The following ANGPT1 variants were observed in gnomAD, a reference collection of about 807,000 sequenced individuals.
ANGPT1 encodes the protein angiopoietin 1.
A neutral mutation model predicts 62.2 loss-of-function variants in ANGPT1; 17 were observed. The ratio of observed to expected loss-of-function variants is 0.27; its 90% CI spans 0.19 to 0.41. The LOEUF is 0.41. Ranked by LOEUF, ANGPT1 falls within the 10% of genes least tolerant of loss-of-function variation. The pLI is 1.00. For synonymous variants in ANGPT1, 199 were observed against 198.9 expected, an observed-to-expected ratio of 1.00 and a Z score of 0.00; for missense variants, 478 against 594.9, an observed-to-expected ratio of 0.80 and a Z score of 2.04.
chr8:107,381,061 T>G (rs149599405), intron 1 of ANGPT1, among the ~76,000 whole-genome samples: 4 of 152,202 alleles, frequency 2.6e-5, no homozygotes, highest in African/African-American at 9.6e-5. Flanking sequence ...TGTTACTGAT[T>G]TCTTTAGTGT....
At chr8:107,295,948 T>C (rs1050743815) in intron 5 of ANGPT1, among the ~76,000 whole-genome samples, 3 of 152,108 alleles carry the variant, frequency 2.0e-5, no homozygotes, top group African/African-American at 7.2e-5. Flanking sequence ...ATCTCCATTT[T>C]ACAGATGAAA....
At chr8:107,452,636 A>G (rs1811809220) in intron 1 of ANGPT1, among the ~76,000 whole-genome samples, 1 of 151,980 alleles carries the variant, frequency 6.6e-6, no homozygotes, top group South Asian at 2.1e-4. Flanking sequence ...AATCACAGCC[A>G]GAGAAAATGG....
rs867243216 is a variant in ANGPT1, at chr8:107,433,522, A to G, written c.297+63740T>C. ...ATTGTCCCTGACATGAAAGATGGACAAGCAAATAATACAAATAAAGACACT... is the reference window on the plus strand; with the variant it reads ...ATTGTCCCTGACATGAAAGATGGACGAGCAAATAATACAAATAAAGACACT... On this transcript the variant is annotated intron_variant, in intron 1 of 8. Transcript: ENST00000517746. Among the ~76,000 whole-genome samples the G allele has an allele frequency of 2.0e-5, 3 of 152,222 alleles. 1 individual carries two copies. In the South Asian group the frequency reaches 6.2e-4, roughly 31 times the overall value.
intron 7 of ANGPT1, among the ~76,000 whole-genome samples, chr8:107,271,298 C>A (rs1034284364): frequency 6.6e-6 from 1 of 152,004 alleles, no homozygotes; most frequent in Non-Finnish European, 1.5e-5. Flanking sequence ...TGAGGTGATA[C>A]CCGGAAAGCC....
At chr8:107,423,987 T>C (rs1810970483) in intron 1 of ANGPT1, among the ~76,000 whole-genome samples, 1 of 151,598 alleles carries the variant, frequency 6.6e-6, no homozygotes, top group South Asian at 2.1e-4. Flanking sequence ...ATTACAGGTG[T>C]GCACCACCAC....
chr8:107,399,445 C>T (rs1361746242), intron 1 of ANGPT1, among the ~76,000 whole-genome samples: 1 of 152,140 alleles, frequency 6.6e-6, no homozygotes, highest in Non-Finnish European at 1.5e-5. Flanking sequence ...ATTTTCTGCT[C>T]TGGACATTAA....
At chr8:107,397,085 T>A (rs965509518) in intron 1 of ANGPT1, among the ~76,000 whole-genome samples, 1 of 152,114 alleles carries the variant, frequency 6.6e-6, no homozygotes, top group African/African-American at 2.4e-5. Context: ...AATGGCCCAA[T>A]TGGTAATTTT....
rs139123266 is a variant in ANGPT1 at position 107,422,330 on chromosome 8, T to C, written c.297+74932A>G. Among the ~76,000 whole-genome samples the C allele has an allele frequency of 9.2e-4, 140 of 152,322 alleles. 1 individual carries two copies. The highest frequency in any genetic ancestry group is 1.6e-3 in the Non-Finnish European group (109 of 68,032). On this transcript the variant is annotated intron_variant, in intron 1 of 8. Coordinates refer to ENST00000517746, the MANE Select transcript of ANGPT1 (RefSeq NM_001146.5). The stretch of plus-strand genomic sequence containing the variant: ...AACCAGGGATCAGAGAGTCTGAGCA[T>C]GTGCCCAGTGACATGCAGTTATAAT...
At chr8:107,299,987 C>G (rs1185145439) in intron 5 of ANGPT1, among the ~76,000 whole-genome samples, 1 of 136,062 alleles carries the variant, frequency 7.3e-6, no homozygotes, top group Non-Finnish European at 1.6e-5. Context: ...ATCTAGATAT[C>G]TAGATATAAC....
chr8:107,379,765 A>G (rs1432408905), intron 1 of ANGPT1, among the ~76,000 whole-genome samples: 1 of 152,188 alleles, frequency 6.6e-6, no homozygotes, highest in Non-Finnish European at 1.5e-5. Flanking sequence ...GAGCAGGTGC[A>G]CTGAAGTATG....
At chr8:107,440,019 T>C (rs969638015) in intron 1 of ANGPT1, among the ~76,000 whole-genome samples, 1 of 152,162 alleles carries the variant, frequency 6.6e-6, no homozygotes, top group African/African-American at 2.4e-5. Flanking sequence ...ATAGATGGGC[T>C]AAGGAGGGAT....
intron 1 of ANGPT1, among the ~76,000 whole-genome samples, chr8:107,487,988 T>C (rs1254646722): frequency 6.6e-6 from 1 of 152,156 alleles, no homozygotes; most frequent in Non-Finnish European, 1.5e-5. Context: ...AATACTACAT[T>C]CTTAAGGTAA....
chr8:107,283,672 T>G (rs1814069646), intron 7 of ANGPT1, among the ~76,000 whole-genome samples: 1 of 152,122 alleles, frequency 6.6e-6, no homozygotes, highest in Non-Finnish European at 1.5e-5. Flanking sequence ...TGCCCACCCT[T>G]TAATTCATAC....
At chr8:107,347,965 A>C (rs1815842447) in intron 1 of ANGPT1, among the ~76,000 whole-genome samples, 1 of 152,196 alleles carries the variant, frequency 6.6e-6, no homozygotes, top group Non-Finnish European at 1.5e-5. Flanking sequence ...AATAAAGCTG[A>C]ACATATGCAT....
At chr8:107,288,428 ATACCATGC>A in intron 6 of ANGPT1, among the ~76,000 whole-genome samples, 1 of 152,114 alleles carries the variant, frequency 6.6e-6, no homozygotes, top group African/African-American at 2.4e-5. Flanking sequence ...TTAAGGTATT[ATACCATGC>A]TAATAAGTTA....
intron 3 of ANGPT1, among the ~76,000 whole-genome samples, chr8:107,328,396 T>C (rs1028757512): frequency 6.6e-6 from 1 of 151,880 alleles, no homozygotes; most frequent in Non-Finnish European, 1.5e-5. Context: ...AAGTAAATAT[T>C]GGCAAATAAA....
At chr8:107,382,865 G>T (rs1816665740) in intron 1 of ANGPT1, among the ~76,000 whole-genome samples, 1 of 152,114 alleles carries the variant, frequency 6.6e-6, no homozygotes. Context: ...TACAACTTAT[G>T]AATTTGCCTG....
intron 1 of ANGPT1, among the ~76,000 whole-genome samples, chr8:107,386,507 A>G (rs571324772): frequency 6.6e-6 from 1 of 152,246 alleles, no homozygotes; most frequent in African/African-American, 2.4e-5. Context: ...CCTTGAGTTG[A>G]GCATCCAATA....
chr8:107,403,209 C>T (rs1387633172), intron 1 of ANGPT1, among the ~76,000 whole-genome samples: 1 of 152,086 alleles, frequency 6.6e-6, no homozygotes, highest in East Asian at 1.9e-4. Context: ...GCTCCTGTAG[C>T]TCCGGGCATC....
Sources: allele counts gnomAD v4.1 joint callset (sites outside exome capture counted in the v4.1 genomes callset), GRCh38; gene constraint gnomAD v4.1.1; transcripts MANE v1.5; gene names NCBI Gene and HGNC (gene_info 2026-07-23, HGNC 2026-07-21).